The following KRR1 variants were observed in gnomAD, a reference collection of about 807,000 sequenced individuals.
KRR1 encodes the protein KRR1 small subunit processome component.
A neutral mutation model predicts 50.0 loss-of-function variants in KRR1; 23 were observed. The ratio of observed to expected loss-of-function variants is 0.46; its 90% confidence interval spans 0.33 to 0.65. The LOEUF (loss-of-function observed/expected upper bound fraction) is 0.65, where lower values mean the gene tolerates loss of function less well. Among genes scored for constraint, KRR1 ranks in the 30% least tolerant of loss-of-function variants. The probability of loss-of-function intolerance (pLI) is 0.02; values close to 1 mark genes in which losing one functional copy is unlikely to be tolerated. For synonymous variants in KRR1, 133 were observed against 146.3 expected (o/e 0.91, Z 0.66); for missense variants, 419 against 442.4 (o/e 0.95, Z 0.47).
intron 7 of KRR1, 145 bp from the exon 8 acceptor site, chr12:75,502,145 G>C (rs1377366749): frequency 4.5e-6 from 3 of 670,258 alleles, no homozygotes; most frequent in Non-Finnish European, 7.7e-6. Context: ...AGGAAACAGA[G>C]TCTAAGCTGA....
chr12:75,495,922 T>G lies in KRR1; in HGVS notation c.*3887A>C. ...ACTGTCAGAAACTGTAGACTAAGAT[T>G]CCTAAGATTTGCTTATTTCAGCAAG... On this transcript the variant is annotated 3_prime_UTR_variant, in exon 10 of 10. Transcript: ENST00000229214. 1 of 270,164 alleles carries G rather than the reference T, an allele frequency of 3.7e-6. No homozygotes were observed. The highest frequency in any genetic ancestry group is 1.2e-3 in the Middle Eastern group (1 of 860). 16.7% of individuals were successfully genotyped at this position (270,164 alleles called of 1,614,324 possible).
At position 75,491,240 on chromosome 12, in the gene KRR1, A is replaced by T. The variant is rs530057658; in HGVS notation, c.*8569T>A. ...AAAGTGCTTCACATATATTAACTTA[A>T]TCTTCACCAGAAGTTTATGAGATGG... On this transcript the variant is annotated 3_prime_UTR_variant, in exon 10 of 10. Transcript: ENST00000229214. 6.6e-6 allele frequency: 1 copy of T among 152,322 alleles called. No individual in the cohort carries two copies. Among genetic ancestry groups the T allele is most frequent in the South Asian group, 2.1e-4 (1 of 4,832 alleles). The allele number at this position is 152,322 out of a possible 1,614,324, so 9.4% of individuals were successfully genotyped here. A position where few individuals can be genotyped will look rare whatever the true frequency, so the allele number is the denominator to read the frequency against.
chr12:75,507,605 G>C (rs967524180), intron 2 of KRR1, among the ~76,000 whole-genome samples: 2 of 151,892 alleles, frequency 1.3e-5, no homozygotes, highest in Non-Finnish European at 2.9e-5. Flanking sequence ...ACAACCTGCA[G>C]CTTGCTGAGC....
Position 75,506,629 on chromosome 12 carries a change from A to AAAAAAAAAAAAAAAAAAAAAAAG in KRR1, c.394-21_394-20insCTTTTTTTTTTTTTTTTTTTTTT, listed in dbSNP as rs756594914. On this transcript the variant is annotated intron_variant, in intron 3 of 9. Coordinates refer to ENST00000229214, the MANE Select transcript of KRR1 (RefSeq NM_007043.7). ...TACTGCCTTTTGCAAAAAAAAAAAA[A>AAAAAAAAAAAAAAAAAAAAAAAG]AAAAGAAGACATTATCAACATTTTT... The AAAAAAAAAAAAAAAAAAAAAAAG allele has an allele frequency of 1.3e-6, 2 of 1,552,818 alleles. No homozygotes were observed. The highest frequency in any genetic ancestry group is 2.8e-5 in the African/African-American group (2 of 71,678).
intron 7 of KRR1, 174 bp downstream of exon 7, chr12:75,503,730 A>T: frequency 2.0e-6 from 1 of 512,658 alleles, no homozygotes; most frequent in Non-Finnish European, 3.3e-6. Context: ...ACCCCCATGC[A>T]CTCAGCTCAA....
In KRR1 at chr12:75,502,277, A is replaced by C. The variant is rs1033226758; in HGVS notation, c.832-277T>G. The stretch of plus-strand genomic sequence containing the variant: ...AGAAAAGTGTGAGAAGAAACTGGAG[A>C]GAGAGTTTTGGGGAAAATTTGAAGA... On this transcript the variant is annotated intron_variant, in intron 7 of 9. Transcript: ENST00000229214. 32 of 283,738 alleles carry C rather than the reference A, an allele frequency of 1.1e-4. No individual in the cohort carries two copies. The East Asian group carries it at 1.6e-3, about 15-fold the overall frequency. The allele number at this position is 283,738 out of a possible 1,614,324, so 17.6% of individuals were successfully genotyped here.
chr12:75,505,809 A>G (rs2046419321), intron 5 of KRR1, among the ~76,000 whole-genome samples: 1 of 152,112 alleles, frequency 6.6e-6, no homozygotes, highest in African/African-American at 2.4e-5. Context: ...TGCTCCACAG[A>G]TTTCCTCACC....
chr12:75,505,440 A>G (rs540343214), intron 5 of KRR1, among the ~76,000 whole-genome samples, 186 bp from the exon 6 acceptor site: 2 of 152,192 alleles, frequency 1.3e-5, no homozygotes, highest in African/African-American at 4.8e-5. Context: ...TCTCCCTTGA[A>G]TACAATACAG....
chr12:75,498,104 G>A lies in KRR1; in HGVS notation c.*1705C>T, dbSNP rs1005280044. On this transcript the variant is annotated 3_prime_UTR_variant, in exon 10 of 10. Coordinates refer to ENST00000229214, the MANE Select transcript of KRR1 (RefSeq NM_007043.7). ...CTGCTGCAGAACTGGTGTGGAAAAG[G>A]TTTCTATTTTATAAAAGAAAGTATC... 1 of 152,324 alleles carries A rather than the reference G, an allele frequency of 6.6e-6. No individual in the cohort carries two copies. The highest frequency in any genetic ancestry group is 6.5e-5 in the Admixed American group (1 of 15,274). The allele number at this position is 152,324 out of a possible 1,614,324, so 9.4% of individuals were successfully genotyped here. A position where few individuals can be genotyped will look rare whatever the true frequency, so the allele number is the denominator to read the frequency against.
chr12:75,505,856 A>G (rs2046419479), intron 5 of KRR1, among the ~76,000 whole-genome samples: 1 of 152,252 alleles, frequency 6.6e-6, no homozygotes, highest in Middle Eastern at 3.4e-3. Flanking sequence ...ATGTTCATGA[A>G]AAGTTATTAA....
In KRR1 at chr12:75,499,044, T is replaced by C. The variant is rs1566101765; in HGVS notation, c.*765A>G. 1 of 1,018,302 alleles carries C rather than the reference T, an allele frequency of 9.8e-7. No individual in the cohort carries two copies. Among genetic ancestry groups the C allele is most frequent in the Admixed American group, 2.6e-5 (1 of 38,234 alleles). The allele number at this position is 1,018,302 out of a possible 1,614,324, so 63.1% of individuals were successfully genotyped here. ...CACATATGGCTTTTTTTTTAACCAA[T>C]AACAATTAGGTGTACTTCTATTTTA... is the stretch of plus-strand genomic sequence containing the variant. On this transcript the variant is annotated 3_prime_UTR_variant, in exon 10 of 10. Transcript: ENST00000229214.
chr12:75,503,070 G>A (rs1157530037), intron 7 of KRR1: 1 of 152,112 alleles, frequency 6.6e-6, no homozygotes, highest in African/African-American at 2.4e-5. Flanking sequence ...AGCCAAGGAA[G>A]GGAATAATGA....
Position 75,503,827 on chromosome 12 carries a change from ATACTTTCAATAAAG to A in KRR1, c.831+63_831+76del, listed in dbSNP as rs1260662849. 4 of 1,298,792 alleles carry A rather than the reference ATACTTTCAATAAAG, an allele frequency of 3.1e-6. No homozygotes were observed. The African/African-American group carries it at 5.9e-5, about 19-fold the overall frequency. 80.5% of individuals were successfully genotyped at this position (1,298,792 alleles called of 1,614,324 possible). ...TATATATACACATATCCCACCTGAA[ATACTTTCAATAAAG>A]TTTCTGACCAAATACATTAAAATAG... is the stretch of plus-strand genomic sequence containing the variant. On this transcript the variant is annotated intron_variant, in intron 7 of 9. Transcript: ENST00000229214.
At position 75,498,921 on chromosome 12, in the gene KRR1, T is replaced by C; in HGVS notation, c.*888A>G. The C allele has an allele frequency of 6.2e-7, 1 of 1,607,294 alleles. No individual in the cohort carries two copies. Among genetic ancestry groups the C allele is most frequent in the Non-Finnish European group, 8.5e-7 (1 of 1,174,348 alleles). On this transcript the variant is annotated 3_prime_UTR_variant, in exon 10 of 10. Coordinates refer to ENST00000229214, the MANE Select transcript of KRR1 (RefSeq NM_007043.7). ...TTAATTCAGTAATTCTAATACTGTCTGTTATAATTACCATTTTGGTACAGC... is the reference window on the plus strand; with the variant it reads ...TTAATTCAGTAATTCTAATACTGTCCGTTATAATTACCATTTTGGTACAGC...
rs931346692 is a variant in KRR1, at chr12:75,503,835, A to T, written c.831+69T>A. ...CACATATCCCACCTGAAATACTTTC[A>T]ATAAAGTTTCTGACCAAATACATTA... On this transcript the variant is annotated intron_variant, in intron 7 of 9. Coordinates refer to ENST00000229214, the MANE Select transcript of KRR1 (RefSeq NM_007043.7). 4.6e-5 allele frequency: 63 copies of T among 1,379,876 alleles called. No individual in the cohort carries two copies. In the African/African-American group the frequency reaches 7.7e-4, roughly 17 times the overall value. The allele number at this position is 1,379,876 out of a possible 1,614,324, so 85.5% of individuals were successfully genotyped here.
At chr12:75,501,698 A>G (rs767517765) in intron 9 of KRR1, 25 bp downstream of exon 9, 2 of 1,442,252 alleles carry the variant, frequency 1.4e-6, no homozygotes, top group South Asian at 2.4e-5. Flanking sequence ...ATTAATAAAG[A>G]CTTTTACATC....
In KRR1 at chr12:75,498,508, T is replaced by C. The variant is rs2046365996; in HGVS notation, c.*1301A>G. 1 of 533,478 alleles carries C rather than the reference T, an allele frequency of 1.9e-6. No individual in the cohort carries two copies. The highest frequency in any genetic ancestry group is 1.9e-5 in the African/African-American group (1 of 52,024). The allele number at this position is 533,478 out of a possible 1,614,324, so 33.0% of individuals were successfully genotyped here. A position where few individuals can be genotyped will look rare whatever the true frequency, so the allele number is the denominator to read the frequency against. On this transcript the variant is annotated 3_prime_UTR_variant, in exon 10 of 10. Coordinates refer to ENST00000229214, the MANE Select transcript of KRR1 (RefSeq NM_007043.7). ...AGGTTTATAAAGTTTATGTAAAAAGTCAACTTAAAAATACCAAGTTAATTC... is the reference window on the plus strand; with the variant it reads ...AGGTTTATAAAGTTTATGTAAAAAGCCAACTTAAAAATACCAAGTTAATTC...
In KRR1 at chr12:75,511,540, T is replaced by A. The variant is rs773238416; in HGVS notation, c.58A>T (p.Asn20Tyr). 1 of 1,614,156 alleles carries A rather than the reference T, an allele frequency of 6.2e-7. No homozygotes were observed. The highest frequency in any genetic ancestry group is 1.1e-5 in the South Asian group (1 of 91,082). Residue 20 changes from asparagine (N) to tyrosine (Y), a missense_variant, in exon 1 of 10, where the codon AAC becomes TAC. Coordinates refer to ENST00000229214, the MANE Select transcript of KRR1 (RefSeq NM_007043.7). Reference protein sequence around the residue: ...EKGAGKSEFRNQKPKPENQDE... With the variant: ...EKGAGKSEFRYQKPKPENQDE... The stretch of plus-strand genomic sequence containing the variant: ...TGGTTCTCCGGCTTCGGCTTCTGGT[T>A]ACGAAATTCACTTTTTCCAGCGCCT...
At chr12:75,510,413 G>T (rs756521891) in intron 1 of KRR1, among the ~76,000 whole-genome samples, 2 of 151,920 alleles carry the variant, frequency 1.3e-5, no homozygotes, top group Non-Finnish European at 2.9e-5. Flanking sequence ...AAAATAAATT[G>T]GGGTATATTC....
Sources: gnomAD v4.1 joint callset for allele counts (sites outside exome capture counted in the v4.1 genomes callset) on GRCh38, gnomAD v4.1.1 for gene constraint, MANE v1.5 for transcripts, NCBI Gene and HGNC (gene_info 2026-07-23, HGNC 2026-07-21) for gene names.